WWOX: variants seen among roughly 807,000 people sequenced by gnomAD.
WWOX encodes WW domain containing oxidoreductase.
In WWOX, 69 loss-of-function variants were observed where a neutral mutation model predicts 46.2. The ratio of observed to expected loss-of-function variants is 1.49; its 90% confidence interval spans 1.23 to 1.82. The LOEUF (loss-of-function observed/expected upper bound fraction) is 1.82, where lower values mean the gene tolerates loss of function less well. Ranked by LOEUF, WWOX falls within the 40% of genes most tolerant of loss-of-function variation. The pLI is 0.00. For synonymous variants in WWOX, 359 were observed against 202.6 expected (o/e 1.77, Z -6.56); for missense variants, 919 against 542.6 (o/e 1.69, Z -6.89).
intron 8 of WWOX, among the ~76,000 whole-genome samples, chr16:78,919,755 T>C (rs2045335007): frequency 6.6e-6 from 1 of 152,078 alleles, no homozygotes; most frequent in Admixed American, 6.5e-5. Context: ...GACCTCATGA[T>C]CCACTCGCCT....
At chr16:79,087,873 G>T (rs1408677577) in intron 8 of WWOX, among the ~76,000 whole-genome samples, 1 of 152,110 alleles carries the variant, frequency 6.6e-6, no homozygotes. Flanking sequence ...TTCAGGCCTC[G>T]GAAAGGACAG....
At chr16:78,777,256 G>C (rs2050213950) in intron 8 of WWOX, among the ~76,000 whole-genome samples, 1 of 151,792 alleles carries the variant, frequency 6.6e-6, no homozygotes, top group African/African-American at 2.4e-5. Flanking sequence ...CATTTCCTCT[G>C]TGCCTCTCAG....
chr16:78,364,802 C>T (rs1364449042), intron 5 of WWOX, among the ~76,000 whole-genome samples: 1 of 152,304 alleles, frequency 6.6e-6, no homozygotes, highest in South Asian at 2.1e-4. Flanking sequence ...CATCTGATTA[C>T]AGATCGTGGG....
chr16:78,620,159 T>TAATA (rs2151642591), intron 8 of WWOX, among the ~76,000 whole-genome samples: 1 of 152,298 alleles, frequency 6.6e-6, no homozygotes, highest in South Asian at 2.1e-4. Flanking sequence ...GTAGGATGAA[T>TAATA]AATAATACTA....
At chr16:78,199,184 G>A (rs1362176961) in intron 5 of WWOX, among the ~76,000 whole-genome samples, 1 of 152,010 alleles carries the variant, frequency 6.6e-6, no homozygotes, top group African/African-American at 2.4e-5. Flanking sequence ...ATGGTGGCAC[G>A]TGCCTGTAAT....
intron 8 of WWOX, among the ~76,000 whole-genome samples, chr16:78,764,444 T>A (rs1366857073): frequency 6.6e-6 from 1 of 150,842 alleles, no homozygotes; most frequent in Admixed American, 6.7e-5. Flanking sequence ...AGGGAGGTGC[T>A]TCTTCTGGGA....
At chr16:78,616,305 T>C (rs1465224795) in intron 8 of WWOX, among the ~76,000 whole-genome samples, 1 of 152,068 alleles carries the variant, frequency 6.6e-6, no homozygotes, top group Non-Finnish European at 1.5e-5. Flanking sequence ...CTGAATAATA[T>C]ATAAACAACG....
chr16:78,219,625 C>T (rs189160081), intron 5 of WWOX, among the ~76,000 whole-genome samples: 1 of 152,084 alleles, frequency 6.6e-6, no homozygotes. Context: ...CTCAGTTTTG[C>T]GAATGAACAG....
intron 8 of WWOX, among the ~76,000 whole-genome samples, chr16:78,824,533 C>T (rs558173567): frequency 1.3e-5 from 2 of 152,032 alleles, no homozygotes; most frequent in African/African-American, 4.8e-5. Flanking sequence ...AAAGACACAC[C>T]CGAGACTGGG....
chr16:78,860,127 T>C (rs2052681572), intron 8 of WWOX, among the ~76,000 whole-genome samples: 1 of 152,240 alleles, frequency 6.6e-6, no homozygotes, highest in Admixed American at 6.5e-5. Flanking sequence ...GAATATGAAG[T>C]AGCTCCCATC....
intron 6 of WWOX, among the ~76,000 whole-genome samples, chr16:78,412,108 G>A (rs995532714): frequency 2.0e-4 from 30 of 152,148 alleles, no homozygotes; most frequent in African/African-American, 7.2e-4. Context: ...CCTCTGTGGA[G>A]AAGTAGGGGA....
rs147831488 is a variant in WWOX, at chr16:78,198,202, C to A, written c.516+33913C>A. Among the ~76,000 whole-genome samples the A allele has an allele frequency of 9.9e-3, 1,500 of 152,188 alleles. 19 individuals are homozygous for A. The highest frequency in any genetic ancestry group is 0.012 in the Non-Finnish European group (833 of 68,012). ...CCAGGCTTGTCTGGTCATGCAGCTA[C>A]TTCCAGACTGATTCCTAGATCTTGC... On this transcript the variant is annotated intron_variant, in intron 5 of 8. Transcript: ENST00000566780.
chr16:78,957,118 T>C (rs1300716389), intron 8 of WWOX, among the ~76,000 whole-genome samples: 1 of 152,180 alleles, frequency 6.6e-6, no homozygotes, highest in Non-Finnish European at 1.5e-5. Context: ...GCTCCCACTT[T>C]ATATGCAGAA....
At chr16:78,692,406 G>C (rs1322111012) in intron 8 of WWOX, among the ~76,000 whole-genome samples, 1 of 152,156 alleles carries the variant, frequency 6.6e-6, no homozygotes, top group Non-Finnish European at 1.5e-5. Context: ...CCTTTAAGGA[G>C]ATTTGTTTCC....
chr16:78,413,516 A>G lies in WWOX; in HGVS notation c.606-11354A>G, dbSNP rs532955989. ...GGAGAATTACAAAGAACCTTCTTAA[A>G]GGTGGTGGAGATTACAAAGTACGTT... On this transcript the variant is annotated intron_variant, in intron 6 of 8. Transcript: ENST00000566780. 2.6e-5 allele frequency among the ~76,000 whole-genome samples: 4 copies of G among 152,292 alleles called. No individual in the cohort carries two copies. In the East Asian group the frequency reaches 7.8e-4, roughly 30 times the overall value.
At chr16:78,919,271 T>C (rs1289352270) in intron 8 of WWOX, among the ~76,000 whole-genome samples, 1 of 152,016 alleles carries the variant, frequency 6.6e-6, no homozygotes, top group Non-Finnish European at 1.5e-5. Flanking sequence ...CTTAGCCCAC[T>C]TTTATAGATG....
intron 8 of WWOX, among the ~76,000 whole-genome samples, chr16:78,906,990 GC>G: frequency 6.6e-6 from 1 of 152,300 alleles, no homozygotes; most frequent in East Asian, 1.9e-4. Flanking sequence ...TCTGCCTGAT[GC>G]CCAGATAAAG....
intron 8 of WWOX, among the ~76,000 whole-genome samples, chr16:79,173,817 A>C (rs1320602886): frequency 6.6e-6 from 1 of 151,504 alleles, no homozygotes; most frequent in African/African-American, 2.5e-5. Context: ...GTGGGGTTCA[A>C]AATGAGAGAT....
chr16:78,783,183 C>G (rs888035931), intron 8 of WWOX, among the ~76,000 whole-genome samples: 3 of 152,208 alleles, frequency 2.0e-5, no homozygotes, highest in Admixed American at 2.0e-4. Flanking sequence ...TTTATAATGG[C>G]TGCCTGATAA....
Sources: allele counts gnomAD v4.1 joint callset (sites outside exome capture counted in the v4.1 genomes callset), GRCh38; gene constraint gnomAD v4.1.1; transcripts MANE v1.5; gene names NCBI Gene and HGNC (gene_info 2026-07-23, HGNC 2026-07-21).